PRKCB: variants seen among roughly 807,000 people sequenced by gnomAD.
PRKCB encodes the protein protein kinase C beta type.
Under a neutral mutation model 81.5 loss-of-function variants are expected in PRKCB, and 13 were observed. The ratio of observed to expected loss-of-function variants is 0.16; its 90% CI spans 0.10 to 0.25. The LOEUF is 0.25. Ranked by LOEUF, PRKCB falls within the 10% of genes least tolerant of loss-of-function variation. The pLI is 1.00. For synonymous variants in PRKCB, 335 were observed against 321.4 expected, an observed-to-expected ratio of 1.04 and a Z score of -0.45; for missense variants, 509 against 875.7, an observed-to-expected ratio of 0.58 and a Z score of 5.29.
chr16:23,910,628 T>A (rs1343139167), intron 2 of PRKCB, among the ~76,000 whole-genome samples: 3 of 152,072 alleles, frequency 2.0e-5, no homozygotes, highest in Non-Finnish European at 4.4e-5. Context: ...TTGATTTTTT[T>A]AATCCCATTT....
intron 7 of PRKCB, among the ~76,000 whole-genome samples, chr16:24,112,171 T>G (rs753876798): frequency 6.6e-6 from 1 of 152,162 alleles, no homozygotes; most frequent in Non-Finnish European, 1.5e-5. Flanking sequence ...CTAAATGCAG[T>G]TGAGTGCCAG....
At chr16:23,872,434 T>G (rs181930380) in intron 2 of PRKCB, among the ~76,000 whole-genome samples, 20 of 152,232 alleles carry the variant, frequency 1.3e-4, no homozygotes, top group African/African-American at 4.3e-4. Flanking sequence ...GGTGGGAGGA[T>G]CGCTTGAGCT....
intron 9 of PRKCB, among the ~76,000 whole-genome samples, chr16:24,129,056 T>C (rs1693795313): frequency 6.6e-6 from 1 of 152,238 alleles, no homozygotes; most frequent in Non-Finnish European, 1.5e-5. Flanking sequence ...TAACTCTTTA[T>C]ATTATAAACG....
intron 10 of PRKCB, among the ~76,000 whole-genome samples, chr16:24,166,660 G>A (rs753195898): frequency 2.6e-5 from 4 of 152,088 alleles, no homozygotes; most frequent in Admixed American, 6.5e-5. Flanking sequence ...CCTGTCCCTC[G>A]CCTGGGAATC....
rs1028399102 is a variant in PRKCB, at chr16:24,215,154, C to T, written c.*338C>T. The T allele has an allele frequency of 1.9e-6, 2 of 1,062,970 alleles. No individual in the cohort carries two copies. The highest frequency in any genetic ancestry group is 1.7e-5 in the African/African-American group (1 of 60,092). 65.8% of individuals were successfully genotyped at this position (1,062,970 alleles called of 1,614,324 possible). A position where few individuals can be genotyped will look rare whatever the true frequency, so the allele number is the denominator to read the frequency against. On this transcript the variant is annotated 3_prime_UTR_variant, in exon 17 of 17. Coordinates refer to ENST00000643927, the MANE Select transcript of PRKCB (RefSeq NM_002738.7). The stretch of plus-strand genomic sequence containing the variant: ...CTTTTTCTGCACTGCCATATTCACC[C>T]CCAACCATCCAATCTGTGGATAATT...
rs145004888 is a variant in PRKCB at position 23,970,167 on chromosome 16, A to C, written c.206-18341A>C. Among the ~76,000 whole-genome samples, 23 of 152,362 alleles carry C rather than the reference A, an allele frequency of 1.5e-4. No homozygotes were observed. In the East Asian group the frequency reaches 3.1e-3, roughly 20 times the overall value. ...CAAGAAGGCTGAGTTAAGAGACTGC[A>C]GGCAGCTTGTGTGTTTGTATTTGGA... On this transcript the variant is annotated intron_variant, in intron 2 of 16. Coordinates refer to ENST00000643927, the MANE Select transcript of PRKCB (RefSeq NM_002738.7).
At chr16:24,021,307 C>CTCT (rs1397777370) in intron 3 of PRKCB, among the ~76,000 whole-genome samples, 4 of 25,100 alleles carry the variant, frequency 1.6e-4, no homozygotes, top group Non-Finnish European at 2.7e-4. Flanking sequence ...TCCTTCCTTC[C>CTCT]TTCCTTCCTT....
At chr16:23,951,031 G>A (rs1964274136) in intron 2 of PRKCB, among the ~76,000 whole-genome samples, 1 of 152,114 alleles carries the variant, frequency 6.6e-6, no homozygotes, top group South Asian at 2.1e-4. Context: ...GTATCCCAGA[G>A]GAGCCATAGG....
At chr16:24,184,317 G>A (rs1261534165) in intron 13 of PRKCB, among the ~76,000 whole-genome samples, 2 of 152,192 alleles carry the variant, frequency 1.3e-5, no homozygotes, top group South Asian at 2.1e-4. Flanking sequence ...TTAGCATGGT[G>A]GTGAGCACCT....
chr16:24,160,190 G>GTTTT (rs11305626), intron 10 of PRKCB, among the ~76,000 whole-genome samples: 1 of 115,280 alleles, frequency 8.7e-6, no homozygotes, highest in Non-Finnish European at 1.8e-5. Context: ...CCCTTTGGGT[G>GTTTT]TTTTTTTTTT....
At chr16:24,139,116 T>C (rs928316179) in intron 9 of PRKCB, among the ~76,000 whole-genome samples, 4 of 152,132 alleles carry the variant, frequency 2.6e-5, no homozygotes, top group African/African-American at 9.7e-5. Context: ...CCTCCCCAAG[T>C]GCTGGGATTA....
rs182901487 is a variant in PRKCB, at chr16:23,836,823, C to G, written c.173+475C>G. ...CTATCTCCCTGCGGGCATGGGACAT[C>G]CTTTCTCACTCCTCTGTGCCTCCGG... On this transcript the variant is annotated intron_variant, in intron 1 of 16. Coordinates refer to ENST00000643927, the MANE Select transcript of PRKCB (RefSeq NM_002738.7). 2.6e-5 allele frequency among the ~76,000 whole-genome samples: 4 copies of G among 151,410 alleles called. No homozygotes were observed. In the East Asian group the frequency reaches 5.9e-4, roughly 22 times the overall value.
Position 24,218,466 on chromosome 16 carries a change from C to G in PRKCB, c.*3650C>G. ...CATCAGCATCTTAGCCTGCCCCACT[C>G]TAGCCACACATACCCACGTGTGCTC... On this transcript the variant is annotated 3_prime_UTR_variant, in exon 17 of 17. Coordinates refer to ENST00000643927, the MANE Select transcript of PRKCB (RefSeq NM_002738.7). The G allele has an allele frequency of 4.1e-6, 4 of 985,448 alleles. No individual in the cohort carries two copies. The highest frequency in any genetic ancestry group is 3.6e-6 in the Non-Finnish European group (3 of 829,978). The allele number at this position is 985,448 out of a possible 1,614,324, so 61.0% of individuals were successfully genotyped here.
intron 8 of PRKCB, 65 bp downstream of exon 8, chr16:24,113,134 C>A: frequency 8.3e-7 from 1 of 1,209,442 alleles, no homozygotes; most frequent in Non-Finnish European, 1.2e-6. Context: ...TTTCCTCCTG[C>A]TCCCTCCTCT....
intron 2 of PRKCB, among the ~76,000 whole-genome samples, chr16:23,905,551 G>A (rs999611414): frequency 6.6e-6 from 1 of 152,196 alleles, no homozygotes; most frequent in Non-Finnish European, 1.5e-5. Flanking sequence ...ACTATTTGTT[G>A]TTTATGTGCT....
At chr16:23,875,830 C>T (rs114020631) in intron 2 of PRKCB, among the ~76,000 whole-genome samples, 1 of 145,974 alleles carries the variant, frequency 6.9e-6, no homozygotes, top group South Asian at 2.1e-4. Flanking sequence ...TATGCATGAC[C>T]CATATTTAAA....
At chr16:23,847,749 C>T (rs1039066689) in intron 2 of PRKCB, among the ~76,000 whole-genome samples, 12 of 152,100 alleles carry the variant, frequency 7.9e-5, no homozygotes, top group African/African-American at 1.7e-4. Flanking sequence ...TAACATAGAA[C>T]GAATATATTG....
chr16:24,057,966 C>A (rs1965925614), intron 5 of PRKCB, among the ~76,000 whole-genome samples: 1 of 152,200 alleles, frequency 6.6e-6, no homozygotes, highest in African/African-American at 2.4e-5. Flanking sequence ...GAGCTTCCAA[C>A]TGAAACCTAA....
At chr16:24,071,326 G>C (rs150436895) in intron 5 of PRKCB, among the ~76,000 whole-genome samples, 29 of 151,536 alleles carry the variant, frequency 1.9e-4, no homozygotes, top group Non-Finnish European at 3.1e-4. Context: ...AAACATGGCC[G>C]GGCACGATGG....
Sources: allele counts gnomAD v4.1 joint callset (sites outside exome capture counted in the v4.1 genomes callset), GRCh38; gene constraint gnomAD v4.1.1; transcripts MANE v1.5; gene names NCBI Gene and HGNC (gene_info 2026-07-23, HGNC 2026-07-21).